RPTOR: variants seen among roughly 807,000 people sequenced by gnomAD.
The protein encoded by RPTOR is regulatory associated protein of MTOR complex 1.
RPTOR carries 21 observed loss-of-function variants against 169.9 expected under a neutral mutation model. The ratio of observed to expected loss-of-function variants is 0.12; its 90% CI spans 0.09 to 0.18. The LOEUF (loss-of-function observed/expected upper bound fraction) is 0.18. Ranked by LOEUF, RPTOR falls within the 10% of genes least tolerant of loss-of-function variation. The pLI, the probability that RPTOR is intolerant of heterozygous loss-of-function variation, is 1.00. For missense variants in RPTOR, 1,133 were observed against 1,855.9 expected (o/e 0.61, Z 7.16); for synonymous variants, 732 against 753.2 (o/e 0.97, Z 0.46).
intron 20 of RPTOR, among the ~76,000 whole-genome samples, chr17:80,906,755 G>T (rs1013069168): frequency 2.0e-5 from 3 of 152,094 alleles, no homozygotes; most frequent in African/African-American, 7.2e-5. Flanking sequence ...CTAGATGGCA[G>T]CGTGACCTCC....
chr17:80,962,350 G>A (rs554799688), intron 31 of RPTOR, 111 bp from the exon 32 acceptor site: 9 of 837,118 alleles, frequency 1.1e-5, no homozygotes, highest in African/African-American at 1.7e-5. Flanking sequence ...TCCTTGAGCA[G>A]TGTGTGTGCA....
At chr17:80,774,582 C>A (rs991803630) in intron 6 of RPTOR, among the ~76,000 whole-genome samples, 4 of 152,212 alleles carry the variant, frequency 2.6e-5, no homozygotes, top group Non-Finnish European at 5.9e-5. Context: ...CTATTCCATG[C>A]TGCCTGCCTT....
At chr17:80,898,944 A>G (rs1196939257) in intron 20 of RPTOR, among the ~76,000 whole-genome samples, 6 of 151,898 alleles carry the variant, frequency 4.0e-5, no homozygotes, top group Non-Finnish European at 5.9e-5. Context: ...CCACCGGGCA[A>G]CCCTGTGGGT....
chr17:80,723,991 G>A (rs2066308801), intron 4 of RPTOR, among the ~76,000 whole-genome samples: 1 of 151,448 alleles, frequency 6.6e-6, no homozygotes. Context: ...GCTAAGCAGG[G>A]ATGTTTAGTT....
At chr17:80,617,853 A>G (rs1354613419) in intron 1 of RPTOR, among the ~76,000 whole-genome samples, 1 of 151,846 alleles carries the variant, frequency 6.6e-6, no homozygotes, top group Non-Finnish European at 1.5e-5. Flanking sequence ...TCATTTAGAG[A>G]CCCCCAGGCA....
intron 6 of RPTOR, among the ~76,000 whole-genome samples, chr17:80,787,654 A>G (rs1411226162): frequency 3.9e-5 from 6 of 152,162 alleles, no homozygotes; most frequent in East Asian, 3.8e-4. Context: ...GAGACAGCCT[A>G]TGATCCACAT....
At chr17:80,761,734 C>T (rs2066738396) in intron 6 of RPTOR, among the ~76,000 whole-genome samples, 1 of 152,214 alleles carries the variant, frequency 6.6e-6, no homozygotes, top group Non-Finnish European at 1.5e-5. Flanking sequence ...TGCCAGAGAA[C>T]ACACTTTCTT....
chr17:80,761,931 G>A (rs1298578312), intron 6 of RPTOR, among the ~76,000 whole-genome samples: 23 of 152,136 alleles, frequency 1.5e-4, no homozygotes, highest in Non-Finnish European at 1.2e-4. Flanking sequence ...GACCTTAGTC[G>A]TAGGCAAGTT....
At chr17:80,652,593 T>C (rs889853861) in intron 3 of RPTOR, among the ~76,000 whole-genome samples, 1 of 152,232 alleles carries the variant, frequency 6.6e-6, no homozygotes, top group Non-Finnish European at 1.5e-5. Flanking sequence ...GCCTCAACTC[T>C]TTCTATAGCT....
Position 80,949,545 on chromosome 17 carries a change from G to A in RPTOR, c.3368G>A (p.Arg1123Gln), listed in dbSNP as rs1168322545. 3.1e-6 allele frequency: 5 copies of A among 1,613,426 alleles called. No homozygotes were observed. Among genetic ancestry groups the A allele is most frequent in the Non-Finnish European group, 4.2e-6 (5 of 1,179,738 alleles). The change falls in exon 28 of 34, where the codon CGA becomes CAA. Residue 1123 changes from arginine to glutamine, a missense_variant and splice_region_variant. Arg to Gln is a conservative substitution (Grantham distance 43). Around this residue, in one of 9 missense-constraint regions of RPTOR, gnomAD observed 410 missense variants for 623.7 expected, o/e 0.66. Coordinates refer to ENST00000306801, the MANE Select transcript of RPTOR (RefSeq NM_020761.3). ...CTCTCGGACATGCTGCCAACGACGC[G>A]AGGTGGGTCCGCCCGGCTCCTCCCC... is the stretch of plus-strand genomic sequence containing the variant. ...QGLSDMLPTT[R>Q]GAGMVVDWEQ... is the part of the protein sequence containing the mutation.
At position 80,561,276 on chromosome 17, in the gene RPTOR, T is replaced by TAC. The variant is rs1412299318; in HGVS notation, c.162+15486_162+15487insCA. On this transcript the variant is annotated intron_variant, in intron 1 of 33. Transcript: ENST00000306801. ...GTATATATATATGTATATATATATA[T>TAC]ATATATATATATTTAGTAGAGATGG... Among the ~76,000 whole-genome samples the TAC allele has an allele frequency of 8.6e-3, 607 of 70,756 alleles. 9 individuals are homozygous for TAC. Among genetic ancestry groups the TAC allele is most frequent in the African/African-American group, 0.023 (574 of 25,446 alleles). The allele number at this position is 70,756 out of a possible 152,430, so 46.4% of individuals were successfully genotyped here.
rs929554688 is a variant in RPTOR at position 80,598,898 on chromosome 17, A to G, written c.163-26793A>G. Reference sequence around the variant, plus strand: ...CTTGATTCTTTCTATCTATCTATCTATCTATCTATCTATCTATCTATCTAT... The same window carrying G: ...CTTGATTCTTTCTATCTATCTATCTGTCTATCTATCTATCTATCTATCTAT... On this transcript the variant is annotated intron_variant, in intron 1 of 33. Transcript: ENST00000306801. 7.3e-5 allele frequency among the ~76,000 whole-genome samples: 11 copies of G among 149,970 alleles called. No homozygotes were observed. The South Asian group carries it at 1.7e-3, about 23-fold the overall frequency.
chr17:80,582,564 G>A (rs1437728175), intron 1 of RPTOR, among the ~76,000 whole-genome samples: 2 of 56,598 alleles, frequency 3.5e-5, no homozygotes, highest in Non-Finnish European at 6.8e-5. Flanking sequence ...TTTTTTTTTT[G>A]AGACAGCGTC....
chr17:80,946,980 C>G (rs781199845), intron 26 of RPTOR, among the ~76,000 whole-genome samples: 24 of 151,986 alleles, frequency 1.6e-4, no homozygotes, highest in South Asian at 2.1e-4. Flanking sequence ...CACTATTATT[C>G]TCTCTTTGTT....
chr17:80,755,902 G>A (rs934840003), intron 6 of RPTOR, among the ~76,000 whole-genome samples: 2 of 152,114 alleles, frequency 1.3e-5, no homozygotes, highest in African/African-American at 2.4e-5. Flanking sequence ...TGCACCCAGC[G>A]GAGCAGAGCT....
chr17:80,940,680 C>T, intron 25 of RPTOR, 79 bp downstream of exon 25: 1 of 1,202,928 alleles, frequency 8.3e-7, no homozygotes, highest in South Asian at 1.3e-5. Context: ...GAGCAGGCCC[C>T]CCGCGGCCCA....
intron 24 of RPTOR, among the ~76,000 whole-genome samples, chr17:80,935,503 T>C (rs1688402764): frequency 6.6e-6 from 1 of 152,210 alleles, no homozygotes; most frequent in South Asian, 2.1e-4. Flanking sequence ...AAAGGTTAGA[T>C]GCGTAGATCA....
intron 3 of RPTOR, among the ~76,000 whole-genome samples, chr17:80,705,592 T>C (rs1598241016): frequency 6.6e-6 from 1 of 152,238 alleles, no homozygotes. Flanking sequence ...GTGTATCATA[T>C]ACAACAGAGT....
chr17:80,585,371 A>G (rs1213070325), intron 1 of RPTOR, among the ~76,000 whole-genome samples: 2 of 151,832 alleles, frequency 1.3e-5, no homozygotes, highest in Non-Finnish European at 2.9e-5. Context: ...CGCCCAGCTA[A>G]TTTTTGTATT....
Sources: allele counts gnomAD v4.1 joint callset (sites outside exome capture counted in the v4.1 genomes callset), GRCh38; gene constraint gnomAD v4.1.1; regional missense constraint gnomAD v4.1.1; transcripts MANE v1.5; gene names NCBI Gene and HGNC (gene_info 2026-07-23, HGNC 2026-07-21).